The following GABRG3 variants were observed in gnomAD, a reference collection of about 807,000 sequenced individuals.
The protein encoded by GABRG3 is gamma-aminobutyric acid type A receptor subunit gamma3, also known as gamma-aminobutyric acid receptor subunit gamma-3.
A neutral mutation model predicts 48.8 loss-of-function variants in GABRG3; 25 were observed. That is an observed-to-expected ratio of 0.51 (90% CI 0.37 to 0.72). The LOEUF is 0.72. GABRG3 is among the 30% of genes least tolerant of loss of function. GABRG3 has a pLI of 0.00. For synonymous variants in GABRG3, 227 were observed against 217.6 expected, an observed-to-expected ratio of 1.04 and a Z score of -0.38; for missense variants, 394 against 577.9, an observed-to-expected ratio of 0.68 and a Z score of 3.26.
intron 3 of GABRG3, among the ~76,000 whole-genome samples, chr15:27,116,875 G>A (rs1897650266): frequency 3.3e-5 from 5 of 152,192 alleles, no homozygotes; most frequent in Non-Finnish European, 2.9e-5. Context: ...TGGAAGCAGA[G>A]AGCTGTCCTC....
At position 27,179,442 on chromosome 15, in the gene GABRG3, T is replaced by C. The variant is rs891327127; in HGVS notation, c.271-147367T>C. Among the ~76,000 whole-genome samples, 5 of 152,238 alleles carry C rather than the reference T, an allele frequency of 3.3e-5. No homozygotes were observed. The highest frequency in any genetic ancestry group is 1.3e-4 in the Admixed American group (2 of 15,292). On this transcript the variant is annotated intron_variant, in intron 3 of 9. Coordinates refer to ENST00000615808, the MANE Select transcript of GABRG3 (RefSeq NM_033223.5). The surrounding 1 kb of genome is among the most constrained non-coding windows in gnomAD (Gnocchi z 4.0). Reference sequence around the variant, plus strand: ...CAGTTTTGTAATTGCTTATTTACCTTGTTTGCATAAAATCTTCCCCTGATT... The same window carrying C: ...CAGTTTTGTAATTGCTTATTTACCTCGTTTGCATAAAATCTTCCCCTGATT...
At chr15:27,446,336 C>T (rs375038819) in intron 5 of GABRG3, among the ~76,000 whole-genome samples, 27 of 152,192 alleles carry the variant, frequency 1.8e-4, no homozygotes, top group Non-Finnish European at 2.6e-4. Flanking sequence ...GTAGGACATT[C>T]GTGTGCTTCT....
At chr15:27,417,313 A>T (rs1352561885) in intron 5 of GABRG3, among the ~76,000 whole-genome samples, 1 of 152,150 alleles carries the variant, frequency 6.6e-6, no homozygotes, top group Non-Finnish European at 1.5e-5. Flanking sequence ...TCTTGAGATG[A>T]CTTAATGTGG....
chr15:27,143,021 C>T (rs1443596847), intron 3 of GABRG3, among the ~76,000 whole-genome samples: 1 of 152,160 alleles, frequency 6.6e-6, no homozygotes, highest in African/African-American at 2.4e-5. Flanking sequence ...TCCCAAAATG[C>T]TAAGATTACA....
chr15:27,158,842 A>G (rs745415675), intron 3 of GABRG3, among the ~76,000 whole-genome samples: 5 of 152,174 alleles, frequency 3.3e-5, no homozygotes, highest in Admixed American at 6.5e-5. Context: ...TCGTATGGCA[A>G]ATTACCACCT....
chr15:27,351,103 G>A (rs1268638773), intron 5 of GABRG3, among the ~76,000 whole-genome samples: 1 of 150,840 alleles, frequency 6.6e-6, no homozygotes, highest in Non-Finnish European at 1.5e-5. Context: ...TATGGTGTGT[G>A]TGTATGGTGT....
chr15:27,231,401 A>T (rs1277601774), intron 3 of GABRG3, among the ~76,000 whole-genome samples: 3 of 152,228 alleles, frequency 2.0e-5, no homozygotes, highest in Non-Finnish European at 4.4e-5. Flanking sequence ...TTGCAGAACA[A>T]AGCTTGAAGC....
intron 5 of GABRG3, among the ~76,000 whole-genome samples, chr15:27,473,783 T>G (rs1052599274): frequency 6.6e-6 from 1 of 152,240 alleles, no homozygotes; most frequent in Non-Finnish European, 1.5e-5. Context: ...ACTGATAATT[T>G]AGGAATTAAC....
rs200585572 is a variant in GABRG3 at position 27,306,395 on chromosome 15, CAT to C, written c.271-20406_271-20405del. 5.2e-3 allele frequency among the ~76,000 whole-genome samples: 713 copies of C among 137,446 alleles called. 19 individuals carry two copies. Among genetic ancestry groups the C allele is most frequent in the Admixed American group, 0.025 (324 of 13,034 alleles). 90.2% of individuals were successfully genotyped at this position (137,446 alleles called of 152,430 possible). On this transcript the variant is annotated intron_variant, in intron 3 of 9. Coordinates refer to ENST00000615808, the MANE Select transcript of GABRG3 (RefSeq NM_033223.5). ...TAATATAAACATGTCTACATGTAAA[CAT>C]ATATATAATATAAACATGTCTACAT...
At chr15:27,516,853 T>C (rs530957501) in intron 6 of GABRG3, among the ~76,000 whole-genome samples, 1 of 152,374 alleles carries the variant, frequency 6.6e-6, no homozygotes, top group Non-Finnish European at 1.5e-5. Flanking sequence ...AAAGCAATTA[T>C]TGAGAATGGA....
rs116247128 is a variant in GABRG3, at chr15:27,450,513, A to G, written c.575-30137A>G. ...AAAAAGCATTTGCCAAAAATTCAAC[A>G]TATTTTCATGAAAAAACTCAACAAA... is the stretch of plus-strand genomic sequence containing the variant. On this transcript the variant is annotated intron_variant, in intron 5 of 9. Transcript: ENST00000615808. Among the ~76,000 whole-genome samples the G allele has an allele frequency of 1.6e-3, 242 of 152,290 alleles. 2 individuals carry two copies. Among genetic ancestry groups the G allele is most frequent in the African/African-American group, 5.3e-3 (220 of 41,572 alleles).
At chr15:27,349,206 T>A (rs1231961156) in intron 5 of GABRG3, among the ~76,000 whole-genome samples, 1 of 152,112 alleles carries the variant, frequency 6.6e-6, no homozygotes, top group African/African-American at 2.4e-5. Context: ...ATATCTTTTT[T>A]ACATACACAT....
intron 3 of GABRG3, among the ~76,000 whole-genome samples, chr15:27,060,027 TC>T (rs1479246908): frequency 6.6e-6 from 1 of 152,320 alleles, no homozygotes; most frequent in East Asian, 1.9e-4. Context: ...CACTAGACTT[TC>T]CACAATGTGG....
At chr15:27,532,427 C>CA (rs374534463) in intron 9 of GABRG3, among the ~76,000 whole-genome samples, 173 bp from the exon 10 acceptor site, 6,983 of 74,466 alleles carry the variant, frequency 0.094, 228 homozygotes, top group Middle Eastern at 0.13. Flanking sequence ...TCCTTAAAAC[C>CA]AAAAAAAAAA....
chr15:27,309,028 CAT>C (rs779142820), intron 3 of GABRG3, among the ~76,000 whole-genome samples: 53 of 149,122 alleles, frequency 3.6e-4, no homozygotes, highest in African/African-American at 7.7e-4. Flanking sequence ...TATATAGAAA[CAT>C]AATGTAAACA....
chr15:27,346,756 C>T (rs1031295140), intron 5 of GABRG3, among the ~76,000 whole-genome samples: 4 of 152,020 alleles, frequency 2.6e-5, no homozygotes, highest in Admixed American at 6.5e-5. Context: ...TCATCATTTC[C>T]GTTACAGAGT....
chr15:27,472,101 A>C (rs1889803369), intron 5 of GABRG3, among the ~76,000 whole-genome samples: 1 of 152,034 alleles, frequency 6.6e-6, no homozygotes, highest in African/African-American at 2.4e-5. Flanking sequence ...GTGTCTTTAC[A>C]TTTTTTTAAT....
At chr15:27,505,775 G>T (rs1000255756) in intron 6 of GABRG3, among the ~76,000 whole-genome samples, 1 of 152,160 alleles carries the variant, frequency 6.6e-6, no homozygotes, top group Non-Finnish European at 1.5e-5. Context: ...GCCTAATAGA[G>T]TAAGTTGGGT....
intron 3 of GABRG3, among the ~76,000 whole-genome samples, chr15:27,221,152 T>C (rs1889441427): frequency 6.6e-6 from 1 of 152,182 alleles, no homozygotes; most frequent in Non-Finnish European, 1.5e-5. Context: ...GATTAAAATC[T>C]TATGAGACGT....
Sources: gnomAD v4.1 joint callset for allele counts (sites outside exome capture counted in the v4.1 genomes callset) on GRCh38, gnomAD v4.1.1 for gene constraint, Gnocchi (gnomAD v3.1) non-coding constraint, MANE v1.5 for transcripts, NCBI Gene and HGNC (gene_info 2026-07-23, HGNC 2026-07-21) for gene names.